The following ALAD variants were observed in gnomAD, a reference collection of about 807,000 sequenced individuals.
ALAD encodes the protein aminolevulinate dehydratase, also known as delta-aminolevulinic acid dehydratase.
In ALAD, 20 loss-of-function variants were observed where a neutral mutation model predicts 44.4. The ratio of observed to expected loss-of-function variants is 0.45; its 90% confidence interval spans 0.32 to 0.65. The LOEUF (loss-of-function observed/expected upper bound fraction) is 0.65. ALAD is among the 30% of genes least tolerant of loss of function. The pLI, the probability that ALAD is intolerant of heterozygous loss-of-function variation, is 0.05. For missense variants in ALAD, 323 were observed against 445.7 expected (o/e 0.72, Z 2.48); for synonymous variants, 156 against 167.9 (o/e 0.93, Z 0.55).
At chr9:113,388,424 T>A (rs1827468521) in intron 11 of ALAD, 63 bp from the exon 12 acceptor site, 7 of 1,518,398 alleles carry the variant, frequency 4.6e-6, no homozygotes, top group Non-Finnish European at 5.5e-6. Flanking sequence ...GCACACCTTC[T>A]GCGATGGGAA....
chr9:113,389,178 CT>C (rs1588082159), intron 10 of ALAD, 72 bp from the exon 11 acceptor site: 4 of 1,590,808 alleles, frequency 2.5e-6, no homozygotes, highest in East Asian at 2.3e-5. Flanking sequence ...CCCTTCCCCC[CT>C]GCTCAATCTG....
At chr9:113,392,328 C>T (rs953536334) in intron 2 of ALAD, 159 bp from the exon 3 acceptor site, 7 of 1,539,960 alleles carry the variant, frequency 4.5e-6, no homozygotes, top group Non-Finnish European at 5.3e-6. Flanking sequence ...CCTGGCCAAG[C>T]CCAGGGCCTG....
Position 113,389,056 on chromosome 9 carries a change from C to G in ALAD, c.852G>C (p.Met284Ile). 6.2e-7 allele frequency: 1 copy of G among 1,613,980 alleles called. No individual in the cohort carries two copies. The highest frequency in any genetic ancestry group is 8.5e-7 in the Non-Finnish European group (1 of 1,180,038). ...AVYHVSGEFA[M>I]LWHGAQAGAF... The stretch of plus-strand genomic sequence containing the variant: ...CCCCGGCCTGGGCTCCATGCCACAG[C>G]ATGGCAAACTCTCCAGAGACGTGGT... The change falls in exon 11 of 12, where the codon ATG becomes ATC. Residue 284 changes from methionine (M) to isoleucine (I), a missense_variant. Coordinates refer to ENST00000409155, the MANE Select transcript of ALAD (RefSeq NM_000031.6).
intron 10 of ALAD, 148 bp downstream of exon 10, chr9:113,389,290 C>T: frequency 1.5e-6 from 2 of 1,306,024 alleles, no homozygotes; most frequent in Non-Finnish European, 2.2e-6. Flanking sequence ...CAAGCCCCGA[C>T]ATAGAAGGCC....
intron 1 of ALAD, among the ~76,000 whole-genome samples, chr9:113,394,435 G>C (rs1174374334): frequency 1.3e-5 from 2 of 151,686 alleles, no homozygotes; most frequent in Non-Finnish European, 2.9e-5. Context: ...CTACTCAGGA[G>C]GCTAAAGCAA....
At chr9:113,399,244 G>C (rs983958916) in intron 1 of ALAD, among the ~76,000 whole-genome samples, 2 of 152,236 alleles carry the variant, frequency 1.3e-5, no homozygotes, top group African/African-American at 4.8e-5. Flanking sequence ...TTGCAAGGCT[G>C]TGGAGATTAT....
chr9:113,393,330 G>A (rs1827644127), intron 2 of ALAD, 117 bp downstream of exon 2: 1 of 910,318 alleles, frequency 1.1e-6, no homozygotes. Context: ...TGAATTTCAA[G>A]CTGACAGCTC....
chr9:113,394,719 G>A (rs1827681274), intron 1 of ALAD, among the ~76,000 whole-genome samples: 1 of 151,980 alleles, frequency 6.6e-6, no homozygotes, highest in Non-Finnish European at 1.5e-5. Flanking sequence ...GTGCAGATAA[G>A]CAAAAAGAGA....
At chr9:113,393,947 CTTT>C (rs1281509406) in intron 1 of ALAD, among the ~76,000 whole-genome samples, 1 of 142,988 alleles carries the variant, frequency 7.0e-6, no homozygotes, top group Admixed American at 7.0e-5. Context: ...AAATTCTCTT[CTTT>C]TTTTTTTTTT....
intron 2 of ALAD, 58 bp downstream of exon 2, chr9:113,393,389 T>TCTCCAA: frequency 7.9e-7 from 1 of 1,271,470 alleles, no homozygotes; most frequent in Non-Finnish European, 1.2e-6. Context: ...CAACACTCCC[T>TCTCCAA]CCCCAACCCC....
intron 2 of ALAD, 59 bp downstream of exon 2, chr9:113,393,388 C>CA: frequency 8.1e-7 from 1 of 1,234,210 alleles, no homozygotes; most frequent in Non-Finnish European, 1.2e-6. Flanking sequence ...TCAACACTCC[C>CA]TCCCCAACCC....
At chr9:113,390,348 G>GCAGACACTTA in intron 7 of ALAD, 57 bp downstream of exon 7, 1 of 1,549,392 alleles carries the variant, frequency 6.5e-7, no homozygotes, top group African/African-American at 1.4e-5. Context: ...CAGACACGGG[G>GCAGACACTTA]GCAGGGCTGG....
chr9:113,392,224 CGGGGGCGACTGA>C, intron 2 of ALAD, 55 bp from the exon 3 acceptor site: 1 of 1,612,676 alleles, frequency 6.2e-7, no homozygotes, highest in South Asian at 1.1e-5. Flanking sequence ...GCCAGTGGTG[CGGGGGCGACTGA>C]GAGGGATGGT....
chr9:113,388,031 G>C lies in ALAD; in HGVS notation c.*269C>G, dbSNP rs901854852. 4.0e-6 allele frequency: 2 copies of C among 505,734 alleles called. No homozygotes were observed. The highest frequency in any genetic ancestry group is 3.1e-5 in the Admixed American group (1 of 31,764). The allele number at this position is 505,734 out of a possible 1,614,324, so 31.3% of individuals were successfully genotyped here. ...TTGCTTTCAAGCTGAAGCCACACCA[G>C]AGGAAAGAGCTGAGGGTGGCAAAGG... On this transcript the variant is annotated 3_prime_UTR_variant, in exon 12 of 12. Coordinates refer to ENST00000409155, the MANE Select transcript of ALAD (RefSeq NM_000031.6).
chr9:113,400,819 T>C (rs911096835), intron 1 of ALAD, among the ~76,000 whole-genome samples: 12 of 151,982 alleles, frequency 7.9e-5, no homozygotes, highest in Non-Finnish European at 1.6e-4. Flanking sequence ...CGAAACTCCG[T>C]CTCAAAAATA....
At chr9:113,388,828 C>G in intron 11 of ALAD, 149 bp downstream of exon 11, 1 of 1,304,566 alleles carries the variant, frequency 7.7e-7, no homozygotes, top group Non-Finnish European at 1.1e-6. Context: ...GCTGCAGTTC[C>G]ATATCTCTTC....
intron 1 of ALAD, among the ~76,000 whole-genome samples, chr9:113,400,908 AC>A (rs139710189): frequency 1.0e-3 from 156 of 151,420 alleles, no homozygotes; most frequent in African/African-American, 3.5e-3. Flanking sequence ...TCACCTCCCT[AC>A]CCCCCCACCA....
chr9:113,391,850 C>G (rs1012303661), intron 3 of ALAD, among the ~76,000 whole-genome samples: 1 of 152,198 alleles, frequency 6.6e-6, no homozygotes, highest in African/African-American at 2.4e-5. Context: ...TCCTTCGAGG[C>G]CCTCTTTTTG....
rs757954726 is a variant in ALAD at position 113,390,882 on chromosome 9, T to C, written c.313A>G (p.Ile105Val). Residue 105 changes from isoleucine (I) to valine (V), a missense_variant, in exon 5 of 12, where the codon ATC becomes GTC. Physicochemically the swap from Ile to Val is conservative, Grantham distance 29. Transcript: ENST00000409155. The part of the protein sequence containing the change: ...DSEESPAIEA[I>V]HLLRKTFPNL... ...GGGAAGGTCTTCCTCAACAGATGGA[T>C]TGCCTCAATAGCTGGGGACTCCTCG... The C allele has an allele frequency of 1.9e-6, 3 of 1,614,102 alleles. No individual in the cohort carries two copies. Among genetic ancestry groups the C allele is most frequent in the East Asian group, 2.2e-5 (1 of 44,868 alleles).
Sources: gnomAD v4.1 joint callset for allele counts (sites outside exome capture counted in the v4.1 genomes callset) on GRCh38, gnomAD v4.1.1 for gene constraint, MANE v1.5 for transcripts, NCBI Gene and HGNC (gene_info 2026-07-23, HGNC 2026-07-21) for gene names.